Variants in CARD16 observed in about 807,000 individuals in gnomAD.
The protein encoded by CARD16 is caspase recruitment domain family member 16, also known as caspase recruitment domain-containing protein 16.
In CARD16, 8 loss-of-function variants were observed where a neutral mutation model predicts 11.9. The ratio of observed to expected loss-of-function variants is 0.67; its 90% CI spans 0.39 to 1.21. CARD16 has a LOEUF of 1.21. Among genes scored for constraint, CARD16 ranks in the 50% most tolerant of loss-of-function variants. CARD16 has a pLI of 0.01. For synonymous variants in CARD16, 44 were observed against 43.8 expected, an observed-to-expected ratio of 1.00 and a Z score of -0.02; for missense variants, 131 against 118.1, an observed-to-expected ratio of 1.11 and a Z score of -0.51.
At position 105,041,565 on chromosome 11, in the gene CARD16, T is replaced by A; in HGVS notation, c.*198A>T. 6.2e-7 allele frequency: 1 copy of A among 1,614,070 alleles called. No homozygotes were observed. The highest frequency in any genetic ancestry group is 8.5e-7 in the Non-Finnish European group (1 of 1,179,950). On this transcript the variant is annotated 3_prime_UTR_variant, in exon 4 of 4. Coordinates refer to ENST00000673097, the MANE Select transcript of CARD16 (RefSeq NM_052889.4). ...GCATTTCAAAACTGCCTGAAGTATA[T>A]CTTTCACTCCACTTTATTATTGTAT...
At chr11:105,042,407 T>G (rs1395092173) in intron 3 of CARD16, among the ~76,000 whole-genome samples, 1 of 152,080 alleles carries the variant, frequency 6.6e-6, no homozygotes, top group Non-Finnish European at 1.5e-5. Context: ...TCTTTGAGGC[T>G]TTTATTTCAT....
chr11:105,042,288 T>C (rs1864124914), intron 3 of CARD16, among the ~76,000 whole-genome samples: 1 of 152,122 alleles, frequency 6.6e-6, no homozygotes, highest in South Asian at 2.1e-4. Context: ...AAATATAAAA[T>C]AGAACGATGA....
At chr11:105,043,369 T>C (rs1401680691) in intron 3 of CARD16, 114 bp downstream of exon 3, 2 of 582,668 alleles carry the variant, frequency 3.4e-6, no homozygotes, top group Admixed American at 6.9e-5. Context: ...AAGAAAATTA[T>C]ATGATCAGTC....
At chr11:105,045,153 TCTCCTCCCA>T in intron 1 of CARD16, 129 bp downstream of exon 1, 1 of 1,249,778 alleles carries the variant, frequency 8.0e-7, no homozygotes, top group African/African-American at 1.5e-5. Context: ...TAGTTCCTTC[TCTCCTCCCA>T]CTCCTCCCTC....
chr11:105,043,669 G>T, intron 2 of CARD16, 124 bp from the exon 3 acceptor site: 1 of 714,638 alleles, frequency 1.4e-6, no homozygotes, highest in Non-Finnish European at 2.5e-6. Context: ...AATAAATAAT[G>T]TTCAAGTGCA....
chr11:105,044,693 A>C lies in CARD16; in HGVS notation c.8-35T>G, dbSNP rs192614267. ...GCACAAGGATTTCTCACATCATGAA[A>C]ACAGCCTCATATTCCTCTCACGTCA... On this transcript the variant is annotated intron_variant, in intron 1 of 3. Transcript: ENST00000673097. 63 of 1,610,510 alleles carry C rather than the reference A, an allele frequency of 3.9e-5. No homozygotes were observed. The Admixed American group carries it at 6.9e-4, about 18-fold the overall frequency.
chr11:105,043,406 A>G, intron 3 of CARD16, 77 bp downstream of exon 3: 2 of 1,009,474 alleles, frequency 2.0e-6, no homozygotes, highest in Non-Finnish European at 3.0e-6. Context: ...AGCCCCTTCA[A>G]GCAGAGCTCA....
At chr11:105,043,797 C>G (rs1410436269) in intron 2 of CARD16, 2 of 415,170 alleles carry the variant, frequency 4.8e-6, no homozygotes, top group Non-Finnish European at 8.6e-6. Context: ...GTCCAGGCCT[C>G]CCAGTATGAT....
At chr11:105,043,422 C>G (rs910614795) in intron 3 of CARD16, 61 bp downstream of exon 3, 1 of 1,188,894 alleles carries the variant, frequency 8.4e-7, no homozygotes, top group African/African-American at 1.5e-5. Context: ...GCTCATTCCA[C>G]TAAATTAATG....
rs148134489 is a variant in CARD16, at chr11:105,044,543, C to G, written c.123G>C (p.Glu41Asp). 115 of 1,614,156 alleles carry G rather than the reference C, an allele frequency of 7.1e-5. No individual in the cohort carries two copies. The African/African-American group carries it at 1.4e-3, about 20-fold the overall frequency. Reference sequence around the variant, plus strand: ...CTGTAGCATTTTCACGTTTTACTTTCTCCATCTCTTCCTGGTTCAGCACCC... The same window carrying G: ...CTGTAGCATTTTCACGTTTTACTTTGTCCATCTCTTCCTGGTTCAGCACCC... ...QTRVLNQEEM[E>D]KVKRENATVM... is the part of the protein sequence containing the mutation. The change falls in exon 2 of 4, where the codon GAG becomes GAC. Residue 41 changes from glutamate to aspartate, a missense_variant. By Grantham distance (45) the Glu-to-Asp change is conservative. Transcript: ENST00000673097.
At chr11:105,044,727 A>C in intron 1 of CARD16, 69 bp from the exon 2 acceptor site, 1 of 1,574,340 alleles carries the variant, frequency 6.4e-7, no homozygotes. Context: ...CATCAACAGA[A>C]AGTGACCTCA....
intron 2 of CARD16, chr11:105,043,902 T>C (rs1168851135): frequency 2.6e-5 from 7 of 273,736 alleles, no homozygotes; most frequent in Non-Finnish European, 2.8e-5. Flanking sequence ...TACTATTCTG[T>C]AATCATTGAA....
At chr11:105,044,314 C>T in intron 2 of CARD16, 78 bp downstream of exon 2, 2 of 1,601,994 alleles carry the variant, frequency 1.2e-6, no homozygotes, top group Middle Eastern at 1.7e-4. Context: ...TGCAGATTAA[C>T]ATGACTAGTA....
Position 105,042,109 on chromosome 11 carries a change from A to G in CARD16, c.*44-390T>C, listed in dbSNP as rs909858863. 4.6e-5 allele frequency among the ~76,000 whole-genome samples: 7 copies of G among 152,188 alleles called. No homozygotes were observed. In the East Asian group the frequency reaches 1.3e-3, roughly 29 times the overall value. ...TTAATGGGAGCAGGTCTTAATTAAC[A>G]CTAATTAATTTTTAAAATATGTGTT... On this transcript the variant is annotated intron_variant, in intron 3 of 3. Coordinates refer to ENST00000673097, the MANE Select transcript of CARD16 (RefSeq NM_052889.4).
chr11:105,045,118 C>A, intron 1 of CARD16, 173 bp downstream of exon 1: 1 of 924,994 alleles, frequency 1.1e-6, no homozygotes. Context: ...CTTGCCTTTT[C>A]TTTCTAAAGC....
In CARD16 at chr11:105,044,547, A is replaced by G. The variant is rs61739404; in HGVS notation, c.119T>C (p.Met40Thr). The G allele has an allele frequency of 3.7e-6, 6 of 1,613,904 alleles. No homozygotes were observed. Among genetic ancestry groups the G allele is most frequent in the South Asian group, 1.1e-5 (1 of 91,078 alleles). ...AGCATTTTCACGTTTTACTTTCTCC[A>G]TCTCTTCCTGGTTCAGCACCCTTGT... The part of the protein sequence containing the change: ...LQTRVLNQEE[M>T]EKVKRENATV... Residue 40 changes from methionine (M) to threonine (T), a missense_variant, in exon 2 of 4, where the codon ATG becomes ACG. Met to Thr is a moderately conservative substitution (Grantham distance 81). Transcript: ENST00000673097.
chr11:105,045,080 A>ACC (rs1252635206), intron 1 of CARD16: 3 of 672,340 alleles, frequency 4.5e-6, no homozygotes, highest in Non-Finnish European at 7.6e-6. Context: ...ACAGCAGGCT[A>ACC]CCCCTAAAGT....
chr11:105,042,094 C>T (rs1257107434), intron 3 of CARD16, among the ~76,000 whole-genome samples: 1 of 152,172 alleles, frequency 6.6e-6, no homozygotes, highest in East Asian at 1.9e-4. Context: ...TTAATGGGAG[C>T]AGGTCTTAAT....
In CARD16 at chr11:105,044,251, A is replaced by G. The variant is rs1401059306; in HGVS notation, c.274+141T>C. 3 of 1,364,184 alleles carry G rather than the reference A, an allele frequency of 2.2e-6. No individual in the cohort carries two copies. In the East Asian group the frequency reaches 6.9e-5, roughly 31 times the overall value. 84.5% of individuals were successfully genotyped at this position (1,364,184 alleles called of 1,614,324 possible). A position where few individuals can be genotyped will look rare whatever the true frequency, so the allele number is the denominator to read the frequency against. On this transcript the variant is annotated intron_variant, in intron 2 of 3. Coordinates refer to ENST00000673097, the MANE Select transcript of CARD16 (RefSeq NM_052889.4). ...ACAAAAAAGAGTCAAGGGACATGCA[A>G]TAGGGCCTCTGCTACAGAAATATGG...
Sources: allele counts gnomAD v4.1 joint callset (sites outside exome capture counted in the v4.1 genomes callset), GRCh38; gene constraint gnomAD v4.1.1; transcripts MANE v1.5; gene names NCBI Gene and HGNC (gene_info 2026-07-23, HGNC 2026-07-21).